The following FOXN3 variants were observed in gnomAD, a reference collection of about 807,000 sequenced individuals.
FOXN3 encodes the protein forkhead box protein N3.
FOXN3 carries 7 observed loss-of-function variants against 38.4 expected under a neutral mutation model. The observed-to-expected ratio is 0.18, with a 90% confidence interval of 0.10 to 0.34. FOXN3 has a LOEUF of 0.34. Among genes scored for constraint, FOXN3 ranks in the 10% least tolerant of loss-of-function variants. The pLI, the probability that FOXN3 is intolerant of heterozygous loss-of-function variation, is 1.00. For missense variants in FOXN3, 456 were observed against 613.4 expected (o/e 0.74, Z 2.71); for synonymous variants, 230 against 242.2 (o/e 0.95, Z 0.47).
chr14:89,446,317 T>G (rs548116109), intron 1 of FOXN3, among the ~76,000 whole-genome samples: 5 of 150,822 alleles, frequency 3.3e-5, no homozygotes, highest in African/African-American at 1.2e-4. Context: ...GCCTCCCGAG[T>G]AGCTGGGATT....
At chr14:89,457,238 C>T (rs779690137) in intron 1 of FOXN3, among the ~76,000 whole-genome samples, 23 of 152,162 alleles carry the variant, frequency 1.5e-4, no homozygotes, top group Admixed American at 8.5e-4. Context: ...GAGACCTTCA[C>T]GGAGTGCCTG....
chr14:89,221,099 C>A (rs1420065686), intron 4 of FOXN3, among the ~76,000 whole-genome samples: 1 of 152,048 alleles, frequency 6.6e-6, no homozygotes, highest in Non-Finnish European at 1.5e-5. Context: ...AAGGCAGAAG[C>A]CTGTGTGTGT....
At chr14:89,619,097 G>A (rs915348396) in exon 1 of FOXN3, 3 of 152,010 alleles carry the variant, frequency 2.0e-5, no homozygotes, top group Non-Finnish European at 2.9e-5. Flanking sequence ...TGGACTCGCG[G>A]GTGGCCCCGC....
chr14:89,253,341 A>AGAGCTGCCCAGGGC (rs1157411646), intron 4 of FOXN3, among the ~76,000 whole-genome samples: 4 of 152,182 alleles, frequency 2.6e-5, no homozygotes, highest in African/African-American at 9.6e-5. Context: ...CTCCCCAGGG[A>AGAGCTGCCCAGGGC]GAGCTGCCCA....
At chr14:89,360,737 C>G (rs1889473699) in intron 2 of FOXN3, among the ~76,000 whole-genome samples, 1 of 136,208 alleles carries the variant, frequency 7.3e-6, no homozygotes, top group African/African-American at 2.9e-5. Context: ...CCACCACCTC[C>G]AGCACCACCT....
At chr14:89,540,439 T>C (rs1894770780) in intron 1 of FOXN3, among the ~76,000 whole-genome samples, 1 of 152,032 alleles carries the variant, frequency 6.6e-6, no homozygotes, top group South Asian at 2.1e-4. Flanking sequence ...AGCAACCAGT[T>C]ACAAAGAAAA....
chr14:89,392,389 C>T (rs768971324), intron 2 of FOXN3, among the ~76,000 whole-genome samples: 1 of 152,234 alleles, frequency 6.6e-6, no homozygotes, highest in Non-Finnish European at 1.5e-5. Context: ...GCTGCTGTAA[C>T]CAAGTGCCAC....
intron 4 of FOXN3, among the ~76,000 whole-genome samples, chr14:89,207,431 T>C (rs1032557942): frequency 3.3e-5 from 5 of 152,138 alleles, no homozygotes; most frequent in African/African-American, 7.2e-5. Flanking sequence ...CTATAAGGTG[T>C]GCTATTGATA....
chr14:89,561,472 A>C (rs1326238067), intron 1 of FOXN3, among the ~76,000 whole-genome samples: 3 of 152,230 alleles, frequency 2.0e-5, no homozygotes, highest in Non-Finnish European at 4.4e-5. Flanking sequence ...TTGGCCTCCC[A>C]AAGTGCTGGG....
intron 2 of FOXN3, among the ~76,000 whole-genome samples, chr14:89,386,221 A>AT (rs916854137): frequency 6.6e-6 from 1 of 152,216 alleles, no homozygotes; most frequent in African/African-American, 2.4e-5. Flanking sequence ...ACCAAAAATT[A>AT]TTTTTTAATT....
chr14:89,544,340 CT>C (rs796391696), intron 1 of FOXN3, among the ~76,000 whole-genome samples: 174 of 143,332 alleles, frequency 1.2e-3, no homozygotes, highest in Non-Finnish European at 9.8e-4. Context: ...TGTGCTGGGC[CT>C]TTTTTTTTTT....
At chr14:89,458,006 A>T (rs1156538003) in intron 1 of FOXN3, among the ~76,000 whole-genome samples, 1 of 134,094 alleles carries the variant, frequency 7.5e-6, no homozygotes, top group Non-Finnish European at 1.5e-5. Context: ...CTCCAGCCTG[A>T]GCGATAAGAG....
At chr14:89,235,964 G>C (rs1884968330) in intron 4 of FOXN3, among the ~76,000 whole-genome samples, 1 of 151,152 alleles carries the variant, frequency 6.6e-6, no homozygotes, top group African/African-American at 2.5e-5. Flanking sequence ...AGCAGATGGA[G>C]AAACTGAAGC....
intron 1 of FOXN3, among the ~76,000 whole-genome samples, chr14:89,584,355 C>T (rs891180417): frequency 6.6e-6 from 1 of 152,002 alleles, no homozygotes; most frequent in African/African-American, 2.4e-5. Context: ...GAACCGATAT[C>T]GCACCACTGT....
intron 1 of FOXN3, among the ~76,000 whole-genome samples, chr14:89,467,404 T>A (rs931647856): frequency 6.6e-6 from 1 of 152,226 alleles, no homozygotes; most frequent in Admixed American, 6.5e-5. Flanking sequence ...GAGAGAGTTA[T>A]GTCCAGCTGT....
chr14:89,602,055 T>A (rs913140746), intron 1 of FOXN3, among the ~76,000 whole-genome samples: 1 of 152,170 alleles, frequency 6.6e-6, no homozygotes, highest in African/African-American at 2.4e-5. Context: ...TTTCCCCACA[T>A]TTTTATTTTG....
intron 5 of FOXN3, 60 bp downstream of exon 5, chr14:89,180,641 G>T: frequency 7.9e-7 from 1 of 1,261,184 alleles, no homozygotes; most frequent in Non-Finnish European, 1.1e-6. Context: ...GGACCCCGTG[G>T]ACAGAAAGCT....
At chr14:89,424,138 G>A (rs1330460506) in intron 1 of FOXN3, among the ~76,000 whole-genome samples, 4 of 152,214 alleles carry the variant, frequency 2.6e-5, no homozygotes, top group East Asian at 3.8e-4. Context: ...GAGGCCAGAG[G>A]CATATTATTA....
Position 89,598,609 on chromosome 14 carries a change from A to T in FOXN3, c.-15+20419T>A, listed in dbSNP as rs180872084. Among the ~76,000 whole-genome samples the T allele has an allele frequency of 3.9e-5, 6 of 152,290 alleles. No homozygotes were observed. In the East Asian group the frequency reaches 1.2e-3, roughly 29 times the overall value. ...CTCATGATAAGTTTTTAATATCTTT[A>T]ACTCTTCTTCATTTTTGAAAAATCT... is the stretch of plus-strand genomic sequence containing the variant. On this transcript the variant is annotated intron_variant, in intron 1 of 6. Transcript: ENST00000345097.
Sources: allele counts gnomAD v4.1 joint callset (sites outside exome capture counted in the v4.1 genomes callset), GRCh38; gene constraint gnomAD v4.1.1; transcripts MANE v1.5; gene names NCBI Gene and HGNC (gene_info 2026-07-23, HGNC 2026-07-21).